Variants in PRKCH observed in about 807,000 individuals in gnomAD.
PRKCH encodes protein kinase C eta type.
In PRKCH, 28 loss-of-function variants were observed where a neutral mutation model predicts 82.5. That is an observed-to-expected ratio of 0.34 (90% CI 0.25 to 0.47). PRKCH has a LOEUF of 0.47. PRKCH is among the 20% of genes least tolerant of loss of function. The pLI is 1.00. For missense variants in PRKCH, 705 were observed against 881.8 expected (o/e 0.80, Z 2.54); for synonymous variants, 322 against 327.4 (o/e 0.98, Z 0.18).
intron 1 of PRKCH, among the ~76,000 whole-genome samples, chr14:61,234,433 A>C (rs1172415058): frequency 6.6e-6 from 1 of 152,094 alleles, no homozygotes; most frequent in Non-Finnish European, 1.5e-5. Flanking sequence ...CTCCTTAACC[A>C]GTCATCCCCA....
At chr14:61,220,379 A>T (rs1298268220) in intron 1 of PRKCH, among the ~76,000 whole-genome samples, 1 of 152,224 alleles carries the variant, frequency 6.6e-6, no homozygotes, top group Non-Finnish European at 1.5e-5. Flanking sequence ...AGATTGGATG[A>T]AGGAAAGGAA....
intron 1 of PRKCH, among the ~76,000 whole-genome samples, chr14:61,358,505 A>T (rs2046180781): frequency 2.6e-5 from 4 of 152,082 alleles, no homozygotes; most frequent in Non-Finnish European, 5.9e-5. Context: ...GATTCCCATT[A>T]CCACTACCTG....
intron 1 of PRKCH, among the ~76,000 whole-genome samples, chr14:61,343,437 A>G (rs2045954058): frequency 6.7e-6 from 1 of 149,434 alleles, no homozygotes; most frequent in Admixed American, 6.7e-5. Context: ...GATTTCTCTT[A>G]TGGAACTATA....
intron 2 of PRKCH, among the ~76,000 whole-genome samples, chr14:61,408,281 A>G (rs1882072915): frequency 2.0e-5 from 3 of 152,130 alleles, no homozygotes; most frequent in Admixed American, 2.0e-4. Context: ...GGCATGGTGG[A>G]GAGAGAAATC....
intron 1 of PRKCH, among the ~76,000 whole-genome samples, chr14:61,231,391 C>G (rs1311218281): frequency 7.7e-6 from 1 of 130,464 alleles, no homozygotes; most frequent in African/African-American, 2.9e-5. Flanking sequence ...GAGACAGAGT[C>G]TCACTCTGTC....
chr14:61,197,253 T>C (rs1017711211), intron 1 of PRKCH, among the ~76,000 whole-genome samples: 3 of 152,240 alleles, frequency 2.0e-5, no homozygotes, highest in African/African-American at 4.8e-5. Flanking sequence ...GCCATGGGAA[T>C]GTAATACTTG....
intron 9 of PRKCH, among the ~76,000 whole-genome samples, chr14:61,479,414 G>A (rs192651972): frequency 2.8e-4 from 43 of 152,282 alleles, no homozygotes; most frequent in African/African-American, 9.6e-4. Flanking sequence ...GCTGGAGCAT[G>A]GGTAAATGCT....
intron 1 of PRKCH, among the ~76,000 whole-genome samples, chr14:61,272,344 CTTTTTT>C (rs1162331604): frequency 0.012 from 286 of 23,556 alleles, 1 homozygote; most frequent in African/African-American, 0.034. Flanking sequence ...TTTTTTCTTT[CTTTTTT>C]TTTTTTTTTT....
intron 1 of PRKCH, among the ~76,000 whole-genome samples, chr14:61,282,406 T>C (rs1236390123): frequency 6.6e-6 from 1 of 152,050 alleles, no homozygotes; most frequent in African/African-American, 2.4e-5. Flanking sequence ...AAAATGCAAG[T>C]AATACAAATG....
chr14:61,317,110 A>C (rs901940337), upstream of PRKCH, among the ~76,000 whole-genome samples: 16 of 152,208 alleles, frequency 1.1e-4, no homozygotes, highest in Admixed American at 6.5e-5. Context: ...GAGCCACAAC[A>C]TAGGTGTTTC....
chr14:61,259,004 C>T (rs2045022705), intron 1 of PRKCH, among the ~76,000 whole-genome samples: 1 of 152,160 alleles, frequency 6.6e-6, no homozygotes, highest in South Asian at 2.1e-4. Flanking sequence ...TTGCCAAGTT[C>T]ACGAAGTCAA....
In PRKCH at chr14:61,321,971, G is replaced by T; in HGVS notation, c.-131G>T. ...GAGGCAGAATGGCCAGTCGAGGGGCGCTTAGGCGCTGCCTTTCCCCAGGGC... is the reference window on the plus strand; with the variant it reads ...GAGGCAGAATGGCCAGTCGAGGGGCTCTTAGGCGCTGCCTTTCCCCAGGGC... On this transcript the variant is annotated 5_prime_UTR_variant, in exon 1 of 14. Coordinates refer to ENST00000332981, the MANE Select transcript of PRKCH (RefSeq NM_006255.5). This position sits in a 1 kb window ranked among gnomAD's most constrained non-coding sequence, Gnocchi z 4.1. 1 of 988,660 alleles carries T rather than the reference G, an allele frequency of 1.0e-6. No individual in the cohort carries two copies. The highest frequency in any genetic ancestry group is 1.6e-5 in the African/African-American group (1 of 60,960). 61.2% of individuals were successfully genotyped at this position (988,660 alleles called of 1,614,324 possible). A position where few individuals can be genotyped will look rare whatever the true frequency, so the allele number is the denominator to read the frequency against.
chr14:61,410,649 C>A (rs1882215730), intron 2 of PRKCH, among the ~76,000 whole-genome samples: 1 of 152,186 alleles, frequency 6.6e-6, no homozygotes, highest in East Asian at 1.9e-4. Flanking sequence ...CTTCTGCAGT[C>A]CCCAGCATAT....
At chr14:61,439,568 C>T (rs530015952) in intron 2 of PRKCH, among the ~76,000 whole-genome samples, 4 of 152,230 alleles carry the variant, frequency 2.6e-5, no homozygotes, top group Admixed American at 2.6e-4. Context: ...AGAGACACGG[C>T]CCCAGGTCGT....
At chr14:61,442,995 T>C (rs1566885110) in intron 2 of PRKCH, 116 bp from the exon 3 acceptor site, 17 of 1,069,802 alleles carry the variant, frequency 1.6e-5, no homozygotes, top group South Asian at 3.3e-5. Flanking sequence ...GTTTAGATCT[T>C]GAAGAAAGAA....
At chr14:61,316,736 C>T (rs1480001193), upstream of PRKCH, among the ~76,000 whole-genome samples, 1 of 152,208 alleles carries the variant, frequency 6.6e-6, no homozygotes, top group African/African-American at 2.4e-5. Context: ...TGTCACATAA[C>T]ATAGGCTGGA....
chr14:61,483,795 C>T (rs1034480557), intron 9 of PRKCH, among the ~76,000 whole-genome samples: 1 of 152,180 alleles, frequency 6.6e-6, no homozygotes, highest in Non-Finnish European at 1.5e-5. Flanking sequence ...TGCCTGTAAT[C>T]CCAGCACTTT....
intron 10 of PRKCH, among the ~76,000 whole-genome samples, chr14:61,499,790 A>G (rs1170761133): frequency 6.6e-6 from 1 of 151,678 alleles, no homozygotes; most frequent in Non-Finnish European, 1.5e-5. Flanking sequence ...ACTTTCAGGG[A>G]TGTACGGCTT....
chr14:61,357,387 T>C (rs10483733), intron 1 of PRKCH, among the ~76,000 whole-genome samples: 2,854 of 152,320 alleles, frequency 0.019, 83 homozygotes, highest in African/African-American at 0.066. Flanking sequence ...CCTGCAAACT[T>C]ATGTGTAGTC....
Sources: allele counts gnomAD v4.1 joint callset (sites outside exome capture counted in the v4.1 genomes callset), GRCh38; gene constraint gnomAD v4.1.1; non-coding constraint Gnocchi (gnomAD v3.1); transcripts MANE v1.5; gene names NCBI Gene and HGNC (gene_info 2026-07-23, HGNC 2026-07-21).